GAD1: variants seen among roughly 807,000 people sequenced by gnomAD.
GAD1 encodes 67 kDa glutamic acid decarboxylase.
A neutral mutation model predicts 75.2 loss-of-function variants in GAD1; 35 were observed. The observed-to-expected ratio is 0.47, with a 90% CI of 0.36 to 0.62. GAD1 has a LOEUF of 0.62. Ranked by LOEUF, GAD1 falls within the 20% of genes least tolerant of loss-of-function variation. GAD1 has a pLI of 0.00. For synonymous variants in GAD1, 257 were observed against 271.9 expected, an observed-to-expected ratio of 0.95 and a Z score of 0.54; for missense variants, 490 against 758.5, an observed-to-expected ratio of 0.65 and a Z score of 4.16.
chr2:170,840,064 C>T (rs1300535278), intron 6 of GAD1, among the ~76,000 whole-genome samples: 1 of 152,204 alleles, frequency 6.6e-6, no homozygotes, highest in Non-Finnish European at 1.5e-5. Flanking sequence ...TGGAATTCTG[C>T]TTAAACACAC....
chr2:170,855,905 G>A (rs933626779), intron 14 of GAD1, among the ~76,000 whole-genome samples: 3 of 147,750 alleles, frequency 2.0e-5, no homozygotes, highest in Admixed American at 1.3e-4. Flanking sequence ...AGCCATAAAC[G>A]GCAACAACAA....
chr2:170,813,445 T>C (rs1320852489), upstream of GAD1: 1 of 152,186 alleles, frequency 6.6e-6, no homozygotes, highest in Admixed American at 6.5e-5. Flanking sequence ...ATTTTTTTTT[T>C]CCTTTCTGGT....
At chr2:170,844,191 TG>T (rs749782313) in intron 7 of GAD1, 34 bp downstream of exon 7, 2 of 1,213,020 alleles carry the variant, frequency 1.6e-6, no homozygotes, top group Non-Finnish European at 1.2e-6. Context: ...TCTCAAGGTT[TG>T]GGATTCTTAA....
At chr2:170,854,692 A>G (rs1702814508) in intron 14 of GAD1, among the ~76,000 whole-genome samples, 1 of 152,216 alleles carries the variant, frequency 6.6e-6, no homozygotes, top group Non-Finnish European at 1.5e-5. Flanking sequence ...GGCGTGAGCC[A>G]CCGCGCCCGG....
At position 170,829,618 on chromosome 2, in the gene GAD1, A is replaced by G; in HGVS notation, c.289A>G (p.Asn97Asp). The change falls in exon 4 of 17, where the codon AAT (asparagine) becomes GAT (aspartate). Residue 97 changes from asparagine to aspartate, a missense_variant. This residue lies in a region of GAD1 where 165 missense variants were observed against 216.4 expected (regional missense o/e 0.76). Coordinates refer to ENST00000358196, the MANE Select transcript of GAD1 (RefSeq NM_000817.3). ...RFRRTETDFS[N>D]LFARDLLPAK... ...CCGGCGCACAGAGACTGACTTCTCT[A>G]ATCTGTTTGCTAGAGGTAGCCCCTG... is the stretch of plus-strand genomic sequence containing the variant. The G allele has an allele frequency of 1.2e-6, 2 of 1,613,296 alleles. No homozygotes were observed. The highest frequency in any genetic ancestry group is 1.7e-6 in the Non-Finnish European group (2 of 1,180,016).
At position 170,818,995 on chromosome 2, in the gene GAD1, A is replaced by G. The variant is rs1021411148; in HGVS notation, c.82+322A>G. Among the ~76,000 whole-genome samples, 9 of 152,138 alleles carry G rather than the reference A, an allele frequency of 5.9e-5. No homozygotes were observed. Among genetic ancestry groups the G allele is most frequent in the African/African-American group, 1.7e-4 (7 of 41,426 alleles). On this transcript the variant is annotated intron_variant, in intron 2 of 16. Coordinates refer to ENST00000358196, the MANE Select transcript of GAD1 (RefSeq NM_000817.3). This position sits in a 1 kb window ranked among gnomAD's most constrained non-coding sequence, Gnocchi z 5.9. ...TGGTTTCTTTGCTCCGTGGGACGAC[A>G]GGGGTCAGCGCAGGGGGCGGAATGA...
intron 11 of GAD1, 49 bp downstream of exon 11, chr2:170,847,841 T>G: frequency 8.0e-7 from 1 of 1,244,086 alleles, no homozygotes; most frequent in South Asian, 1.2e-5. Context: ...TGGAGGCACC[T>G]CTTTTTTATG....
chr2:170,844,263 C>A (rs970306734), intron 7 of GAD1, 106 bp downstream of exon 7: 14 of 723,286 alleles, frequency 1.9e-5, no homozygotes, highest in Non-Finnish European at 3.3e-5. Context: ...TTTTGGATAC[C>A]CTGACTTCCT....
intron 3 of GAD1, among the ~76,000 whole-genome samples, chr2:170,827,307 C>T (rs1300179628): frequency 6.6e-6 from 1 of 152,228 alleles, no homozygotes; most frequent in East Asian, 1.9e-4. Flanking sequence ...CCTTGTGACA[C>T]GTGTGACTCC....
intron 3 of GAD1, chr2:170,829,002 C>T (rs1357399704): frequency 3.6e-6 from 1 of 274,428 alleles, no homozygotes; most frequent in South Asian, 3.9e-5. Flanking sequence ...CTCACCTCTC[C>T]TCCTCCCTCT....
intron 3 of GAD1, among the ~76,000 whole-genome samples, chr2:170,825,261 T>C (rs896681547): frequency 4.6e-5 from 7 of 151,996 alleles, no homozygotes; most frequent in Non-Finnish European, 1.0e-4. Context: ...GGTGGCCACA[T>C]AGCTGCAGTC....
intron 3 of GAD1, among the ~76,000 whole-genome samples, chr2:170,825,126 C>A (rs1040291780): frequency 3.3e-5 from 5 of 152,116 alleles, no homozygotes; most frequent in African/African-American, 1.2e-4. Context: ...TGGCTCACAT[C>A]TGTAATCCCA....
At chr2:170,846,681 A>T (rs182204365) in intron 10 of GAD1, among the ~76,000 whole-genome samples, 1 of 152,338 alleles carries the variant, frequency 6.6e-6, no homozygotes, top group Non-Finnish European at 1.5e-5. Flanking sequence ...GTAAAGACTG[A>T]GCAAGGAGCA....
rs1701781133 is a variant in GAD1 at position 170,818,740 on chromosome 2, G to A, written c.82+67G>A. ...AGATGGGGGCGCTGGGACGTCGGGA[G>A]GCTGAGCTGGCGGAAAGGGAAGGGG... On this transcript the variant is annotated intron_variant, in intron 2 of 16. Coordinates refer to ENST00000358196, the MANE Select transcript of GAD1 (RefSeq NM_000817.3). This position sits in a 1 kb window ranked among gnomAD's most constrained non-coding sequence, Gnocchi z 5.9. 9 of 1,475,920 alleles carry A rather than the reference G, an allele frequency of 6.1e-6. No individual in the cohort carries two copies. Among genetic ancestry groups the A allele is most frequent in the Non-Finnish European group, 8.5e-6 (9 of 1,053,960 alleles). The allele number at this position is 1,475,920 out of a possible 1,614,324, so 91.4% of individuals were successfully genotyped here.
intron 15 of GAD1, among the ~76,000 whole-genome samples, chr2:170,858,096 T>C (rs1055123335): frequency 3.3e-5 from 5 of 152,190 alleles, no homozygotes; most frequent in African/African-American, 1.2e-4. Flanking sequence ...GCTCTGATCA[T>C]TTACACACTA....
intron 2 of GAD1, among the ~76,000 whole-genome samples, chr2:170,819,097 C>A (rs565571649): frequency 6.6e-6 from 1 of 152,204 alleles, no homozygotes; most frequent in South Asian, 2.1e-4. Context: ...CTCCTCCTTT[C>A]CCCCTGGGCT....
In GAD1 at chr2:170,831,029, C is replaced by T. The variant is rs753157854; in HGVS notation, c.384C>T (p.Val128=). The T allele has an allele frequency of 2.0e-5, 32 of 1,614,060 alleles. No individual in the cohort carries two copies. The highest frequency in any genetic ancestry group is 2.7e-5 in the Non-Finnish European group (32 of 1,180,054). The change falls in exon 5 of 17, where the codon GTC becomes GTT. Residue 128 remains valine (V), a synonymous_variant. Coordinates refer to ENST00000358196, the MANE Select transcript of GAD1 (RefSeq NM_000817.3). The stretch of plus-strand genomic sequence containing the variant: ...TGGTGGACATACTCCTCAACTATGT[C>T]CGCAAGACATTTGATCGCTCCACCA... The part of the protein sequence containing the change: ...LEVVDILLNY[V]RKTFDRSTKV...
chr2:170,859,692 G>C lies in GAD1; in HGVS notation c.1612-17G>C. Reference sequence around the variant, plus strand: ...TCATATCAATCTTGAGTTTTGTTTTGTGTTTTCCATCACAAGGTGGCTCCA... The same window carrying C: ...TCATATCAATCTTGAGTTTTGTTTTCTGTTTTCCATCACAAGGTGGCTCCA... On this transcript the variant is annotated splice_polypyrimidine_tract_variant and intron_variant, in intron 16 of 16. Coordinates refer to ENST00000358196, the MANE Select transcript of GAD1 (RefSeq NM_000817.3). 6.2e-7 allele frequency: 1 copy of C among 1,613,760 alleles called. No individual in the cohort carries two copies. Among genetic ancestry groups the C allele is most frequent in the Non-Finnish European group, 8.5e-7 (1 of 1,179,792 alleles).
chr2:170,847,197 CA>C (rs1297580655), intron 10 of GAD1, among the ~76,000 whole-genome samples: 3 of 152,124 alleles, frequency 2.0e-5, no homozygotes, highest in Non-Finnish European at 2.9e-5. Context: ...ATTATTATAT[CA>C]ATACACTTAA....
Sources: allele counts gnomAD v4.1 joint callset (sites outside exome capture counted in the v4.1 genomes callset), GRCh38; gene constraint gnomAD v4.1.1; regional missense constraint gnomAD v4.1.1; non-coding constraint Gnocchi (gnomAD v3.1); transcripts MANE v1.5; gene names NCBI Gene and HGNC (gene_info 2026-07-23, HGNC 2026-07-21).